Variants in ABI3BP observed in about 807,000 individuals in gnomAD.
The protein encoded by ABI3BP is ABI family member 3 binding protein.
Under a neutral mutation model 268.6 loss-of-function variants are expected in ABI3BP, and 216 were observed. The observed-to-expected ratio is 0.80, with a 90% CI of 0.72 to 0.90. The LOEUF is 0.90. ABI3BP is among the 40% of genes least tolerant of loss of function. The pLI, the probability that ABI3BP is intolerant of heterozygous loss-of-function variation, is 0.00. For missense variants in ABI3BP, 2,090 were observed against 2,182.4 expected (o/e 0.96, Z 0.84); for synonymous variants, 730 against 730.0 (o/e 1.00, Z 0.00).
At chr3:100,959,256 C>T (rs958820655) in intron 1 of ABI3BP, among the ~76,000 whole-genome samples, 2 of 151,628 alleles carry the variant, frequency 1.3e-5, no homozygotes, top group South Asian at 2.1e-4. Context: ...TTTGGGAGGC[C>T]GAGGCGGGCG....
intron 2 of ABI3BP, chr3:100,912,014 T>C (rs1583107793): frequency 2.6e-6 from 2 of 766,746 alleles, no homozygotes; most frequent in Non-Finnish European, 2.4e-6. Context: ...ATGTCAATTG[T>C]ATAAACAACT....
At chr3:100,841,360 C>A (rs2098699752) in intron 21 of ABI3BP, among the ~76,000 whole-genome samples, 1 of 151,442 alleles carries the variant, frequency 6.6e-6, no homozygotes, top group African/African-American at 2.4e-5. Flanking sequence ...AAGAAAAACA[C>A]CTCCAAAAGA....
At chr3:100,858,438 G>C (rs1244525849) in intron 14 of ABI3BP, among the ~76,000 whole-genome samples, 2 of 152,146 alleles carry the variant, frequency 1.3e-5, no homozygotes, top group Non-Finnish European at 1.5e-5. Flanking sequence ...CTGTCCCCTG[G>C]TTGCCAAAAA....
intron 50 of ABI3BP, among the ~76,000 whole-genome samples, chr3:100,805,298 T>C (rs1015065949): frequency 3.9e-5 from 6 of 152,090 alleles, no homozygotes; most frequent in Admixed American, 3.9e-4. Flanking sequence ...ATGGATATGC[T>C]TGAAGTCCTC....
intron 20 of ABI3BP, among the ~76,000 whole-genome samples, chr3:100,843,317 T>C (rs2098728558): frequency 6.6e-6 from 1 of 152,130 alleles, no homozygotes; most frequent in Non-Finnish European, 1.5e-5. Flanking sequence ...CAAGAACTTG[T>C]GCAGAAATAG....
chr3:100,912,697 T>A (rs1383299777), intron 2 of ABI3BP, among the ~76,000 whole-genome samples: 1 of 152,230 alleles, frequency 6.6e-6, no homozygotes, highest in Non-Finnish European at 1.5e-5. Context: ...TCTTGACATT[T>A]GGCCACAGCT....
intron 2 of ABI3BP, among the ~76,000 whole-genome samples, chr3:100,920,615 GT>G (rs1309728683): frequency 6.6e-6 from 1 of 151,906 alleles, no homozygotes; most frequent in Non-Finnish European, 1.5e-5. Context: ...TAATGACAGG[GT>G]TTTACTATCT....
At chr3:100,812,440 T>A (rs558610587) in intron 46 of ABI3BP, 27 bp downstream of exon 46, 1,406 of 1,294,098 alleles carry the variant, frequency 1.1e-3, no homozygotes, top group Non-Finnish European at 1.3e-3. Flanking sequence ...CACATATGCT[T>A]GACTTCCCAT....
In ABI3BP at chr3:100,850,714, C is replaced by T; in HGVS notation, c.1372G>A (p.Asp458Asn). Residue 458 changes from aspartate (D) to asparagine (N), a missense_variant, in exon 16 of 68, where the codon GAT becomes AAT. By Grantham distance (23) the Asp-to-Asn change is conservative. Coordinates refer to ENST00000471714, the MANE Select transcript of ABI3BP (RefSeq NM_001375547.2). The part of the protein sequence containing the change: ...SYTATSDRIL[D>N]SIPPKTSRTL... ...CTAGAAGTTTTAGGTGGGATAGAAT[C>T]CAGAATACGATCACTTGTTGCTGTT... is the stretch of plus-strand genomic sequence containing the variant. 6.2e-7 allele frequency: 1 copy of T among 1,612,240 alleles called. No individual in the cohort carries two copies. Among genetic ancestry groups the T allele is most frequent in the Non-Finnish European group, 8.5e-7 (1 of 1,178,916 alleles).
At chr3:100,870,542 A>C (rs1306728471) in intron 9 of ABI3BP, among the ~76,000 whole-genome samples, 1 of 152,214 alleles carries the variant, frequency 6.6e-6, no homozygotes, top group Non-Finnish European at 1.5e-5. Context: ...AACGATAAAA[A>C]ATAGGTGTTG....
intron 6 of ABI3BP, among the ~76,000 whole-genome samples, chr3:100,878,862 A>G (rs2099193683): frequency 6.6e-6 from 1 of 152,164 alleles, no homozygotes; most frequent in Admixed American, 6.5e-5. Context: ...TCATGTTAAA[A>G]CAACTTTTAT....
chr3:100,922,314 G>A (rs1482505129), intron 2 of ABI3BP, among the ~76,000 whole-genome samples: 1 of 152,156 alleles, frequency 6.6e-6, no homozygotes, highest in Admixed American at 6.5e-5. Context: ...CCCCAACAAA[G>A]CTTGCTTACA....
intron 1 of ABI3BP, among the ~76,000 whole-genome samples, chr3:100,958,538 A>G (rs531319084): frequency 1.3e-5 from 2 of 152,366 alleles, no homozygotes; most frequent in Admixed American, 6.5e-5. Flanking sequence ...AAAGTGTCCT[A>G]AAACTTTTGT....
intron 1 of ABI3BP, among the ~76,000 whole-genome samples, chr3:100,953,350 T>G (rs568680640): frequency 4.6e-5 from 7 of 152,132 alleles, no homozygotes; most frequent in Non-Finnish European, 8.8e-5. Flanking sequence ...GCTCACAGAA[T>G]CAAGGTCAGA....
intron 41 of ABI3BP, 32 bp downstream of exon 41, chr3:100,818,493 A>G: frequency 1.3e-6 from 2 of 1,509,652 alleles, no homozygotes; most frequent in Non-Finnish European, 1.8e-6. Context: ...AAGCAGGAAA[A>G]GCACTATTTG....
At chr3:100,828,268 G>T (rs2098424104) in intron 34 of ABI3BP, 125 bp downstream of exon 34, 2 of 777,510 alleles carry the variant, frequency 2.6e-6, no homozygotes, top group Admixed American at 2.6e-5. Context: ...TGAGCAAGAG[G>T]CAACTTGTTT....
intron 13 of ABI3BP, 28 bp from the exon 14 acceptor site, chr3:100,862,413 G>A (rs1560963013): frequency 1.4e-6 from 2 of 1,479,666 alleles, no homozygotes; most frequent in East Asian, 2.4e-5. Flanking sequence ...GGAATTTGCT[G>A]AAGATTTTTT....
Position 100,830,335 on chromosome 3 carries a change from G to A in ABI3BP, c.2458+243C>T, listed in dbSNP as rs149907185. On this transcript the variant is annotated intron_variant, in intron 32 of 67. Transcript: ENST00000471714. Reference sequence around the variant, plus strand: ...AAAGAATGTGGTTAAAATGTTATGTGGGGGCAAGATGTGGGTAATTCAAAG... The same window carrying A: ...AAAGAATGTGGTTAAAATGTTATGTAGGGGCAAGATGTGGGTAATTCAAAG... Among the ~76,000 whole-genome samples, 343 of 151,558 alleles carry A rather than the reference G, an allele frequency of 2.3e-3. 4 individuals are homozygous for A. The highest frequency in any genetic ancestry group is 7.8e-3 in the African/African-American group (321 of 41,332).
chr3:100,989,475 G>A (rs1315344028), intron 1 of ABI3BP, among the ~76,000 whole-genome samples: 2 of 152,098 alleles, frequency 1.3e-5, no homozygotes, highest in Admixed American at 1.3e-4. Context: ...TCTGTGTTTT[G>A]TTCCTAAAGT....
Sources: allele counts gnomAD v4.1 joint callset (sites outside exome capture counted in the v4.1 genomes callset), GRCh38; gene constraint gnomAD v4.1.1; transcripts MANE v1.5; gene names NCBI Gene and HGNC (gene_info 2026-07-23, HGNC 2026-07-21).